ARHGAP17: variants seen among roughly 807,000 people sequenced by gnomAD.
The protein encoded by ARHGAP17 is Rho GTPase activating protein 17.
In ARHGAP17, 57 loss-of-function variants were observed where a neutral mutation model predicts 99.5. The observed-to-expected ratio is 0.57, with a 90% CI of 0.46 to 0.71. The LOEUF (loss-of-function observed/expected upper bound fraction) is 0.71. Among genes scored for constraint, ARHGAP17 ranks in the 30% least tolerant of loss-of-function variants. The probability of loss-of-function intolerance (pLI) is 0.00; values close to 1 mark genes in which losing one functional copy is unlikely to be tolerated. For synonymous variants in ARHGAP17, 417 were observed against 429.6 expected (o/e 0.97, Z 0.36); for missense variants, 1,000 against 1,122.4 (o/e 0.89, Z 1.56).
At chr16:24,934,536 C>A (rs1369733588) in intron 18 of ARHGAP17, among the ~76,000 whole-genome samples, 1 of 152,050 alleles carries the variant, frequency 6.6e-6, no homozygotes, top group Non-Finnish European at 1.5e-5. Flanking sequence ...TCACTGCAGG[C>A]TCGACCTCCT....
intron 13 of ARHGAP17, 32 bp downstream of exon 13, chr16:24,949,372 C>G (rs1454243518): frequency 6.3e-7 from 1 of 1,577,896 alleles, no homozygotes; most frequent in Admixed American, 1.7e-5. Context: ...CTTATCTTCA[C>G]TCCAGAGTCA....
intron 14 of ARHGAP17, among the ~76,000 whole-genome samples, chr16:24,946,579 C>T (rs925292826): frequency 1.3e-5 from 2 of 151,698 alleles, no homozygotes; most frequent in East Asian, 3.9e-4. Flanking sequence ...GAGTTAAAGA[C>T]ACTTGAAAAC....
chr16:24,987,908 A>C (rs1300309933), intron 1 of ARHGAP17, among the ~76,000 whole-genome samples: 5 of 152,368 alleles, frequency 3.3e-5, no homozygotes, highest in Non-Finnish European at 5.9e-5. Flanking sequence ...TCTACCAAGG[A>C]TCTGAATATT....
At chr16:24,979,278 C>A (rs34993326) in intron 1 of ARHGAP17, among the ~76,000 whole-genome samples, 2,742 of 152,242 alleles carry the variant, frequency 0.018, 37 homozygotes, top group Non-Finnish European at 0.029. Context: ...CACAGAATCA[C>A]CAAGGGCAGC....
chr16:24,991,279 C>T (rs17702912), intron 1 of ARHGAP17, among the ~76,000 whole-genome samples: 9,154 of 152,264 alleles, frequency 0.06, 352 homozygotes, highest in Middle Eastern at 0.13. Context: ...TGTTTAGGAA[C>T]ACCATCTCAT....
At chr16:24,923,317 G>A (rs1216429946) in intron 19 of ARHGAP17, among the ~76,000 whole-genome samples, 1 of 152,104 alleles carries the variant, frequency 6.6e-6, no homozygotes, top group East Asian at 1.9e-4. Context: ...AGGAGAAAAT[G>A]GTTATTTCAG....
intron 1 of ARHGAP17, among the ~76,000 whole-genome samples, chr16:24,993,355 G>A (rs993051572): frequency 1.3e-5 from 2 of 152,112 alleles, no homozygotes; most frequent in Non-Finnish European, 2.9e-5. Context: ...GGAGGCCGAG[G>A]TGGGCGGATC....
chr16:24,986,331 G>A (rs1011158665), intron 1 of ARHGAP17, among the ~76,000 whole-genome samples: 10 of 152,100 alleles, frequency 6.6e-5, no homozygotes, highest in Non-Finnish European at 2.9e-5. Flanking sequence ...GGGATTGTGG[G>A]ATTCAAACCC....
intron 1 of ARHGAP17, among the ~76,000 whole-genome samples, chr16:24,998,759 C>T (rs1301157978): frequency 6.6e-6 from 1 of 152,022 alleles, no homozygotes; most frequent in Non-Finnish European, 1.5e-5. Context: ...AGTGAAGGAC[C>T]CAAAAAGAGG....
rs923800405 is a variant in ARHGAP17, at chr16:24,955,183, A to G, written c.725-453T>C. 3 of 154,736 alleles carry G rather than the reference A, an allele frequency of 1.9e-5. No homozygotes were observed. The highest frequency in any genetic ancestry group is 6.5e-5 in the Admixed American group (1 of 15,420). 9.6% of individuals were successfully genotyped at this position (154,736 alleles called of 1,614,324 possible). The stretch of plus-strand genomic sequence containing the variant: ...GCAAAAATGGAAATGATCTCTGAAA[A>G]TTTCAAACACAAGTTAAGTATCTGT... On this transcript the variant is annotated intron_variant, in intron 9 of 19. Transcript: ENST00000289968. This position sits in a 1 kb window ranked among gnomAD's most constrained non-coding sequence, Gnocchi z 4.0.
At chr16:24,936,958 A>C (rs1016645604) in intron 17 of ARHGAP17, 1 of 151,114 alleles carries the variant, frequency 6.6e-6, no homozygotes, top group African/African-American at 2.4e-5. Context: ...TCTCTACAAA[A>C]ATTTAAAAAA....
In ARHGAP17 at chr16:24,943,999, G is replaced by A. The variant is rs193088346; in HGVS notation, c.1242-137C>T. The A allele has an allele frequency of 3.2e-4, 254 of 804,486 alleles. 2 individuals are homozygous for A. The African/African-American group carries it at 3.8e-3, about 12-fold the overall frequency. The allele number at this position is 804,486 out of a possible 1,614,324, so 49.8% of individuals were successfully genotyped here. ...CAAAAATCAAAATCACTGGCCGGGT[G>A]TGGTGGCTCACACCTGTAACCCCAG... is the stretch of plus-strand genomic sequence containing the variant. On this transcript the variant is annotated intron_variant, in intron 14 of 19. Transcript: ENST00000289968.
intron 14 of ARHGAP17, among the ~76,000 whole-genome samples, chr16:24,946,405 A>T (rs2051474823): frequency 6.6e-6 from 1 of 151,584 alleles, no homozygotes. Flanking sequence ...GGCTGTACGA[A>T]ACTGTTAACT....
intron 1 of ARHGAP17, among the ~76,000 whole-genome samples, chr16:25,006,166 A>G (rs1177648950): frequency 2.6e-5 from 4 of 152,130 alleles, no homozygotes; most frequent in Admixed American, 2.6e-4. Context: ...AATAATGAGC[A>G]CCTAATTAAG....
At chr16:24,975,431 T>C (rs2052486485) in intron 3 of ARHGAP17, among the ~76,000 whole-genome samples, 1 of 151,830 alleles carries the variant, frequency 6.6e-6, no homozygotes, top group Non-Finnish European at 1.5e-5. Flanking sequence ...GTGAAAAGGG[T>C]AAGCAGAGCA....
rs144901655 is a variant in ARHGAP17 at position 24,939,405 on chromosome 16, G to A, written c.1683C>T (p.Ser561=). Reference sequence around the variant, plus strand: ...TCGGCCCCTGCTCCAGTATGCCCGCGGAAGAGGGGACAGTCCCACCCCCAG... The same window carrying A: ...TCGGCCCCTGCTCCAGTATGCCCGCAGAAGAGGGGACAGTCCCACCCCCAG... ...SSSGGGTVPS[S]AGILEQGPSP... Residue 561 remains serine, a synonymous_variant, in exon 17 of 20, where the codon TCC becomes TCT. Transcript: ENST00000289968. 1.3e-4 allele frequency: 204 copies of A among 1,610,702 alleles called. No individual in the cohort carries two copies. In the African/African-American group the frequency reaches 2.4e-3, roughly 19 times the overall value.
intron 1 of ARHGAP17, among the ~76,000 whole-genome samples, chr16:25,002,641 C>G (rs1197748307): frequency 6.6e-6 from 1 of 152,236 alleles, no homozygotes; most frequent in Non-Finnish European, 1.5e-5. Flanking sequence ...AAAGTTGGTG[C>G]TCCAGGCCAT....
chr16:24,959,144 C>G (rs961270798), intron 9 of ARHGAP17, among the ~76,000 whole-genome samples: 4 of 152,096 alleles, frequency 2.6e-5, no homozygotes, highest in African/African-American at 9.7e-5. Flanking sequence ...GTGATAAGAA[C>G]AAAAGCTTAG....
intron 1 of ARHGAP17, among the ~76,000 whole-genome samples, chr16:24,983,003 T>TATATATATATATATA (rs60797276): frequency 1.7e-4 from 7 of 41,506 alleles, no homozygotes; most frequent in African/African-American, 4.6e-4. Flanking sequence ...TATATTTTTT[T>TATATATATATATATA]TTTTTTTTTT....
Sources: allele counts gnomAD v4.1 joint callset (sites outside exome capture counted in the v4.1 genomes callset), GRCh38; gene constraint gnomAD v4.1.1; non-coding constraint Gnocchi (gnomAD v3.1); transcripts MANE v1.5; gene names NCBI Gene and HGNC (gene_info 2026-07-23, HGNC 2026-07-21).